Variants in LRRC1 observed in about 807,000 individuals in gnomAD.
The protein encoded by LRRC1 is leucine rich repeat containing 1, also known as leucine-rich repeat-containing protein 1.
LRRC1 carries 28 observed loss-of-function variants against 69.9 expected under a neutral mutation model. The observed-to-expected ratio is 0.40, with a 90% CI of 0.30 to 0.55. The LOEUF is 0.55. LRRC1 is among the 20% of genes least tolerant of loss of function. LRRC1 has a pLI of 0.47. For synonymous variants in LRRC1, 236 were observed against 240.2 expected (o/e 0.98, Z 0.16); for missense variants, 498 against 609.0 (o/e 0.82, Z 1.92).
intron 1 of LRRC1, among the ~76,000 whole-genome samples, chr6:53,829,203 A>C (rs775737897): frequency 2.0e-5 from 3 of 152,170 alleles, no homozygotes; most frequent in Non-Finnish European, 4.4e-5. Flanking sequence ...GCACAGACAC[A>C]TCTATGTAAT....
At chr6:53,884,234 G>A in intron 4 of LRRC1, 1 of 508,640 alleles carries the variant, frequency 2.0e-6, no homozygotes. Flanking sequence ...GCTGGGCATG[G>A]TGGCTCACAC....
chr6:53,852,271 A>G (rs978789688), intron 2 of LRRC1, among the ~76,000 whole-genome samples: 1 of 152,232 alleles, frequency 6.6e-6, no homozygotes, highest in Admixed American at 6.5e-5. Flanking sequence ...CATAGAATGA[A>G]CACTCCGTAT....
rs1192184149 is a variant in LRRC1 at position 53,799,381 on chromosome 6, A to G, written c.159+3966A>G. 2.0e-5 allele frequency among the ~76,000 whole-genome samples: 3 copies of G among 152,220 alleles called. No homozygotes were observed. In the East Asian group the frequency reaches 5.8e-4, roughly 29 times the overall value. Reference sequence around the variant, plus strand: ...TCTTCACGGCTGGACCTAGGACAGTATTTAGTACATAGTGGGCACAAAGAT... The same window carrying G: ...TCTTCACGGCTGGACCTAGGACAGTGTTTAGTACATAGTGGGCACAAAGAT... On this transcript the variant is annotated intron_variant, in intron 1 of 13. Coordinates refer to ENST00000370888, the MANE Select transcript of LRRC1 (RefSeq NM_018214.5).
intron 11 of LRRC1, among the ~76,000 whole-genome samples, chr6:53,918,288 AATAC>A (rs1768632786): frequency 6.6e-6 from 1 of 152,226 alleles, no homozygotes; most frequent in Non-Finnish European, 1.5e-5. Flanking sequence ...TACTGCACCC[AATAC>A]ATATGCATGA....
chr6:53,884,670 TC>T (rs1767415363), intron 4 of LRRC1, among the ~76,000 whole-genome samples: 1 of 152,294 alleles, frequency 6.6e-6, no homozygotes, highest in Non-Finnish European at 1.5e-5. Flanking sequence ...GGTTCTCCTT[TC>T]TAGCCTCTGA....
At chr6:53,872,691 A>G (rs1766928810) in intron 2 of LRRC1, among the ~76,000 whole-genome samples, 1 of 150,466 alleles carries the variant, frequency 6.6e-6, no homozygotes, top group Non-Finnish European at 1.5e-5. Context: ...TTTGACAGCA[A>G]TTGCATTGAA....
intron 8 of LRRC1, among the ~76,000 whole-genome samples, chr6:53,900,964 C>T (rs1768038685): frequency 6.6e-6 from 1 of 152,108 alleles, no homozygotes; most frequent in African/African-American, 2.4e-5. Flanking sequence ...AAGACCACTC[C>T]CTCCGTGGTA....
intron 1 of LRRC1, among the ~76,000 whole-genome samples, chr6:53,821,067 T>C (rs192278676): frequency 6.6e-6 from 1 of 152,260 alleles, no homozygotes; most frequent in Non-Finnish European, 1.5e-5. Flanking sequence ...TACACCACGC[T>C]TTCTTTGAAA....
At chr6:53,899,596 G>T in intron 7 of LRRC1, 151 bp from the exon 8 acceptor site, 1 of 616,898 alleles carries the variant, frequency 1.6e-6, no homozygotes, top group Non-Finnish European at 2.7e-6. Flanking sequence ...GGGGATCTAG[G>T]AATTTGCCCC....
intron 2 of LRRC1, among the ~76,000 whole-genome samples, chr6:53,859,550 A>G (rs1191209230): frequency 6.6e-6 from 1 of 152,310 alleles, no homozygotes; most frequent in East Asian, 1.9e-4. Context: ...TCTTTACATT[A>G]TGATCTTTTT....
At chr6:53,850,171 A>C (rs1250658318) in intron 2 of LRRC1, among the ~76,000 whole-genome samples, 1 of 152,080 alleles carries the variant, frequency 6.6e-6, no homozygotes, top group Non-Finnish European at 1.5e-5. Flanking sequence ...CTCTACAGGC[A>C]CAATAGACAA....
intron 4 of LRRC1, among the ~76,000 whole-genome samples, chr6:53,894,557 C>T (rs1358451774): frequency 1.3e-5 from 2 of 152,060 alleles, no homozygotes; most frequent in African/African-American, 4.8e-5. Context: ...TAGTGGATTA[C>T]CGAAGAGATA....
In LRRC1 at chr6:53,898,674, A is replaced by G. The variant is rs560067098; in HGVS notation, c.643-1073A>G. 2.0e-5 allele frequency among the ~76,000 whole-genome samples: 3 copies of G among 152,354 alleles called. No individual in the cohort carries two copies. The East Asian group carries it at 5.8e-4, about 29-fold the overall frequency. The stretch of plus-strand genomic sequence containing the variant: ...TCAATGATGATGGAAAGAGAAAGAT[A>G]CAAAGGCATTGTTAAAAGGAATTAA... On this transcript the variant is annotated intron_variant, in intron 7 of 13. Transcript: ENST00000370888.
At chr6:53,865,275 G>T (rs1581884609) in intron 2 of LRRC1, among the ~76,000 whole-genome samples, 1 of 152,110 alleles carries the variant, frequency 6.6e-6, no homozygotes, top group African/African-American at 2.4e-5. Context: ...CAGTACAGAT[G>T]TTAATAGTTT....
chr6:53,914,505 A>T (rs1768507202), intron 11 of LRRC1, among the ~76,000 whole-genome samples: 1 of 152,216 alleles, frequency 6.6e-6, no homozygotes, highest in Non-Finnish European at 1.5e-5. Context: ...ATACAAAAAA[A>T]GTTCAGAGCC....
chr6:53,816,098 C>T (rs919362750), intron 1 of LRRC1, among the ~76,000 whole-genome samples: 3 of 152,128 alleles, frequency 2.0e-5, no homozygotes, highest in South Asian at 2.1e-4. Flanking sequence ...TTTTGGCAAA[C>T]GCATGAAGGT....
At chr6:53,814,254 G>T (rs1397109728) in intron 1 of LRRC1, among the ~76,000 whole-genome samples, 2 of 152,080 alleles carry the variant, frequency 1.3e-5, no homozygotes, top group South Asian at 4.1e-4. Flanking sequence ...TAACTGAATT[G>T]TTGTTAGATG....
chr6:53,812,675 G>A (rs1764829334), intron 1 of LRRC1, among the ~76,000 whole-genome samples: 1 of 127,114 alleles, frequency 7.9e-6, no homozygotes, highest in Non-Finnish European at 1.6e-5. Context: ...GGGCAAGAGT[G>A]CAAGACTCCG....
chr6:53,829,349 G>A (rs966291144), intron 1 of LRRC1, among the ~76,000 whole-genome samples: 1 of 152,206 alleles, frequency 6.6e-6, no homozygotes, highest in African/African-American at 2.4e-5. Context: ...TCTGGCACTT[G>A]AGAGGCATTT....
Sources: allele counts gnomAD v4.1 joint callset (sites outside exome capture counted in the v4.1 genomes callset), GRCh38; gene constraint gnomAD v4.1.1; transcripts MANE v1.5; gene names NCBI Gene and HGNC (gene_info 2026-07-23, HGNC 2026-07-21).